OR4F3: variants seen among roughly 807,000 people sequenced by gnomAD.
OR4F3 encodes olfactory receptor family 4 subfamily F member 3, also known as olfactory receptor 4F3/4F16/4F29.
At chr5:181,363,312 CT>C (rs913667820), upstream of OR4F3, among the ~76,000 whole-genome samples, 232 of 113,314 alleles carry the variant, frequency 2.0e-3, 52 homozygotes, top group African/African-American at 0.01. Context: ...AAAATCAGGC[CT>C]GGTAGACCTC....
At chr5:181,358,883 T>C in the OR4F3 span, among the ~76,000 whole-genome samples, 1 of 50,400 alleles carries the variant, frequency 2.0e-5, no homozygotes, top group East Asian at 3.5e-4. Context: ...TGTGGAATTG[T>C]AAATATTTTC....
chr5:181,354,462 C>G, the OR4F3 span, among the ~76,000 whole-genome samples: 11 of 132,148 alleles, frequency 8.3e-5, no homozygotes, highest in African/African-American at 2.2e-4. Flanking sequence ...GATCTCCAGA[C>G]AGAAGTTTGC....
chr5:181,362,529 T>A (rs149147818), upstream of OR4F3, among the ~76,000 whole-genome samples: 3,952 of 124,150 alleles, frequency 0.032, 391 homozygotes, highest in African/African-American at 0.14. Context: ...AGGAGCAATT[T>A]TTTTTTGGGG....
the OR4F3 span, among the ~76,000 whole-genome samples, chr5:181,360,798 A>G: frequency 4.5e-4 from 57 of 126,066 alleles, no homozygotes; most frequent in African/African-American, 1.0e-3. Context: ...TAGTTTATTG[A>G]TTCCTTTTCC....
chr5:181,358,414 A>C, the OR4F3 span, among the ~76,000 whole-genome samples: 1 of 130,230 alleles, frequency 7.7e-6, no homozygotes, highest in Non-Finnish European at 1.6e-5. Context: ...TCTTGTCTCC[A>C]AAACACTCTC....
At chr5:181,357,023 T>G in the OR4F3 span, among the ~76,000 whole-genome samples, 1 of 135,256 alleles carries the variant, frequency 7.4e-6, no homozygotes, top group Non-Finnish European at 1.6e-5. Context: ...TTTAGTTATG[T>G]GCTGTATAAA....
At chr5:181,363,789 A>C (rs1307613170), upstream of OR4F3, among the ~76,000 whole-genome samples, 3 of 88,218 alleles carry the variant, frequency 3.4e-5, 1 homozygote, top group Non-Finnish European at 6.1e-5. Context: ...ATAAAAGGCA[A>C]TATTTCCATT....
At chr5:181,356,730 T>C in the OR4F3 span, among the ~76,000 whole-genome samples, 1,085 of 133,490 alleles carry the variant, frequency 8.1e-3, 3 homozygotes, top group African/African-American at 0.031. Flanking sequence ...CCCTCTCTTA[T>C]AGTAATTTTC....
upstream of OR4F3, among the ~76,000 whole-genome samples, chr5:181,363,648 C>T (rs1388371261): frequency 1.1e-5 from 1 of 87,364 alleles, no homozygotes; most frequent in Admixed American, 9.8e-5. Context: ...AAAACACACA[C>T]TAGTAAAAAT....
At chr5:181,357,400 C>T in the OR4F3 span, among the ~76,000 whole-genome samples, 3 of 127,836 alleles carry the variant, frequency 2.3e-5, no homozygotes, top group African/African-American at 3.5e-5. Context: ...TATTAGGCTT[C>T]AGAATGCTCA....
At chr5:181,362,284 C>T (rs2113312827), upstream of OR4F3, among the ~76,000 whole-genome samples, 2 of 109,006 alleles carry the variant, frequency 1.8e-5, no homozygotes, top group East Asian at 4.5e-4. Context: ...AAGCATCTAC[C>T]AATTCTCCTG....
chr5:181,362,535 T>TGG (rs1338544218), upstream of OR4F3, among the ~76,000 whole-genome samples: 1 of 123,102 alleles, frequency 8.1e-6, no homozygotes, highest in Non-Finnish European at 1.6e-5. Context: ...AATTTTTTTT[T>TGG]GGGGGGGGTG....
the OR4F3 span, among the ~76,000 whole-genome samples, chr5:181,354,345 AAGCTTTGGC>A: frequency 7.6e-6 from 1 of 132,180 alleles, no homozygotes; most frequent in Non-Finnish European, 1.6e-5. Flanking sequence ...TGCAAGCCTC[AAGCTTTGGC>A]AGCTTCCATG....
upstream of OR4F3, among the ~76,000 whole-genome samples, chr5:181,363,977 G>A (rs1239591874): frequency 2.1e-3 from 139 of 64,930 alleles, 12 homozygotes; most frequent in African/African-American, 5.5e-3. Context: ...CCTTGAATGA[G>A]TGTATTAAAG....
chr5:181,358,313 T>C, the OR4F3 span, among the ~76,000 whole-genome samples: 2 of 132,286 alleles, frequency 1.5e-5, no homozygotes, highest in African/African-American at 3.2e-5. Context: ...ATAATATTAT[T>C]AGTCTTTGAA....
At chr5:181,355,642 C>A in the OR4F3 span, among the ~76,000 whole-genome samples, 5 of 106,134 alleles carry the variant, frequency 4.7e-5, no homozygotes, top group Admixed American at 9.2e-5. Flanking sequence ...AAGAGCCCAC[C>A]CAGGTTCAAG....
chr5:181,360,846 G>A, the OR4F3 span, among the ~76,000 whole-genome samples: 1 of 131,102 alleles, frequency 7.6e-6, no homozygotes, highest in African/African-American at 3.4e-5. Flanking sequence ...TCTATAGTTG[G>A]GTCTTGGCTT....
chr5:181,358,334 A>G, the OR4F3 span, among the ~76,000 whole-genome samples: 6 of 132,208 alleles, frequency 4.5e-5, 2 homozygotes, highest in East Asian at 7.9e-4. Context: ...TATTCTAGAT[A>G]CTTGTGTAAG....
upstream of OR4F3, among the ~76,000 whole-genome samples, chr5:181,363,878 C>G (rs1273136283): frequency 2.3e-5 from 2 of 86,130 alleles, 1 homozygote; most frequent in Non-Finnish European, 4.2e-5. Flanking sequence ...TTCTCTCCCC[C>G]GTTAAATGCA....
Sources: allele counts gnomAD v4.1 joint callset (sites outside exome capture counted in the v4.1 genomes callset), GRCh38; gene constraint gnomAD v4.1.1; transcripts MANE v1.5; gene names NCBI Gene and HGNC (gene_info 2026-07-23, HGNC 2026-07-21).